The following EPHB2 variants were observed in gnomAD, a reference collection of about 807,000 sequenced individuals.
EPHB2 encodes EPH receptor B2.
In EPHB2, 18 loss-of-function variants were observed where a neutral mutation model predicts 96.4. The observed-to-expected ratio is 0.19, with a 90% CI of 0.13 to 0.28. The LOEUF (loss-of-function observed/expected upper bound fraction) is 0.28, where lower values mean the gene tolerates loss of function less well. Among genes scored for constraint, EPHB2 ranks in the 10% least tolerant of loss-of-function variants. The pLI is 1.00. For synonymous variants in EPHB2, 506 were observed against 534.1 expected (o/e 0.95, Z 0.72); for missense variants, 989 against 1,355.4 (o/e 0.73, Z 4.25).
At chr1:22,807,599 C>T (rs1372701939) in intron 3 of EPHB2, among the ~76,000 whole-genome samples, 1 of 152,180 alleles carries the variant, frequency 6.6e-6, no homozygotes, top group Non-Finnish European at 1.5e-5. Flanking sequence ...CTAGGGAAGT[C>T]ACAGCCACAT....
chr1:22,867,762 C>T (rs932612463), intron 5 of EPHB2, among the ~76,000 whole-genome samples: 1 of 152,162 alleles, frequency 6.6e-6, no homozygotes, highest in Non-Finnish European at 1.5e-5. Flanking sequence ...ATCCCAGCTA[C>T]TCGAGAGGCT....
chr1:22,781,329 A>G (rs1644528551), intron 1 of EPHB2, 92 bp from the exon 2 acceptor site: 5 of 1,296,308 alleles, frequency 3.9e-6, no homozygotes, highest in Non-Finnish European at 5.3e-6. Context: ...AAAAAAAAAA[A>G]AAAAAAAGAA....
intron 3 of EPHB2, among the ~76,000 whole-genome samples, chr1:22,850,240 C>A (rs1645605399): frequency 6.6e-6 from 1 of 152,156 alleles, no homozygotes; most frequent in Admixed American, 6.5e-5. Flanking sequence ...GCAGGGGTGG[C>A]CAGTACCAGA....
chr1:22,809,382 C>T (rs1044284177), intron 3 of EPHB2, among the ~76,000 whole-genome samples: 1 of 152,214 alleles, frequency 6.6e-6, no homozygotes, highest in Non-Finnish European at 1.5e-5. Context: ...AGACAGAAAC[C>T]TTCCTAAGAT....
At chr1:22,749,022 CT>C (rs201142300) in intron 1 of EPHB2, among the ~76,000 whole-genome samples, 20,233 of 143,382 alleles carry the variant, frequency 0.14, 1,527 homozygotes, top group Admixed American at 0.19. Context: ...TACTTTGTGG[CT>C]TTTTTTTTTT....
At chr1:22,759,223 A>G (rs1644200349) in intron 1 of EPHB2, among the ~76,000 whole-genome samples, 1 of 152,068 alleles carries the variant, frequency 6.6e-6, no homozygotes, top group South Asian at 2.1e-4. Context: ...ACTAATCACC[A>G]AGGGCTTTGA....
At chr1:22,837,387 G>A (rs1645401098) in intron 3 of EPHB2, among the ~76,000 whole-genome samples, 1 of 152,108 alleles carries the variant, frequency 6.6e-6, no homozygotes, top group African/African-American at 2.4e-5. Flanking sequence ...TGCGGGGTGG[G>A]GAGGATGTGA....
At position 22,876,701 on chromosome 1, in the gene EPHB2, G is replaced by T. The variant is rs1005520793; in HGVS notation, c.1304-5658G>T. On this transcript the variant is annotated intron_variant, in intron 5 of 15. Transcript: ENST00000374630. ...AATTCCCTGATGACCAACTTACAGG[G>T]AAACCTGACACCCCAGGGTGGGCGG... Among the ~76,000 whole-genome samples, 10 of 152,338 alleles carry T rather than the reference G, an allele frequency of 6.6e-5. No homozygotes were observed. In the South Asian group the frequency reaches 2.1e-3, roughly 32 times the overall value.
At chr1:22,816,410 C>T (rs1347651437) in intron 3 of EPHB2, among the ~76,000 whole-genome samples, 3 of 152,178 alleles carry the variant, frequency 2.0e-5, no homozygotes, top group African/African-American at 7.2e-5. Flanking sequence ...CTGCCTTCTT[C>T]ATACCGCATT....
At chr1:22,879,209 C>CA (rs1557730766) in intron 5 of EPHB2, among the ~76,000 whole-genome samples, 25 of 151,686 alleles carry the variant, frequency 1.6e-4, no homozygotes, top group African/African-American at 6.1e-4. Flanking sequence ...CCCACCTCCA[C>CA]CACACACACA....
intron 1 of EPHB2, among the ~76,000 whole-genome samples, chr1:22,758,820 C>T (rs1240943521): frequency 2.0e-5 from 3 of 151,492 alleles, no homozygotes; most frequent in African/African-American, 7.3e-5. Flanking sequence ...CATTCCCCAG[C>T]ACAGAGCCTG....
rs1425645219 is a variant in EPHB2, at chr1:22,730,058, A to G, written c.61+19015A>G. Among the ~76,000 whole-genome samples, 5 of 152,350 alleles carry G rather than the reference A, an allele frequency of 3.3e-5. No individual in the cohort carries two copies. In the East Asian group the frequency reaches 9.7e-4, roughly 29 times the overall value. On this transcript the variant is annotated intron_variant, in intron 1 of 15. Coordinates refer to ENST00000374630, the MANE Select transcript of EPHB2 (RefSeq NM_017449.5). ...ATTGAAGTCTGCAGGGGCTTGGCACAGGGCCAGGCCCCAGGGTGGGGGTGT... is the reference window on the plus strand; with the variant it reads ...ATTGAAGTCTGCAGGGGCTTGGCACGGGGCCAGGCCCCAGGGTGGGGGTGT...
chr1:22,783,445 G>A (rs562483396), intron 2 of EPHB2, among the ~76,000 whole-genome samples: 9 of 152,316 alleles, frequency 5.9e-5, no homozygotes, highest in Admixed American at 3.9e-4. Flanking sequence ...CACTGACACT[G>A]GCCCAAGAGG....
intron 3 of EPHB2, among the ~76,000 whole-genome samples, chr1:22,813,920 A>T (rs939155829): frequency 6.6e-6 from 1 of 152,182 alleles, no homozygotes; most frequent in Non-Finnish European, 1.5e-5. Context: ...CACGCCTGTA[A>T]TCCCATCGCT....
At chr1:22,813,088 C>G (rs1645025484) in intron 3 of EPHB2, among the ~76,000 whole-genome samples, 1 of 152,164 alleles carries the variant, frequency 6.6e-6, no homozygotes, top group Non-Finnish European at 1.5e-5. Flanking sequence ...GTATCATACT[C>G]TGTTATAATT....
At chr1:22,912,060 G>A (rs1640120276) in intron 14 of EPHB2, among the ~76,000 whole-genome samples, 1 of 152,138 alleles carries the variant, frequency 6.6e-6, no homozygotes, top group African/African-American at 2.4e-5. Context: ...AGAGGAAACT[G>A]TGAATAACCA....
rs766734248 is a variant in EPHB2 at position 22,784,349 on chromosome 1, G to T, written c.127-43G>T. 3.8e-6 allele frequency: 6 copies of T among 1,596,338 alleles called. No individual in the cohort carries two copies. The highest frequency in any genetic ancestry group is 3.3e-5 in the South Asian group (3 of 90,222). On this transcript the variant is annotated intron_variant, in intron 2 of 15. Transcript: ENST00000374630. This position sits in a 1 kb window ranked among gnomAD's most constrained non-coding sequence, Gnocchi z 5.1. ...CACCTTAGACTGAGTGTGTGCTGGG[G>T]CTGAGCCCTTACCTCCCCACCTGAC... is the stretch of plus-strand genomic sequence containing the variant.
intron 3 of EPHB2, among the ~76,000 whole-genome samples, chr1:22,844,012 G>A (rs890972932): frequency 6.6e-6 from 1 of 152,206 alleles, no homozygotes; most frequent in Non-Finnish European, 1.5e-5. Context: ...ATTCCATGGT[G>A]TATATGTACC....
At chr1:22,750,067 A>G (rs1052606340) in intron 1 of EPHB2, among the ~76,000 whole-genome samples, 4 of 152,216 alleles carry the variant, frequency 2.6e-5, no homozygotes, top group African/African-American at 9.6e-5. Flanking sequence ...GAAGGCAGTT[A>G]TATTCTTACT....
Sources: allele counts gnomAD v4.1 joint callset (sites outside exome capture counted in the v4.1 genomes callset), GRCh38; gene constraint gnomAD v4.1.1; non-coding constraint Gnocchi (gnomAD v3.1); transcripts MANE v1.5; gene names NCBI Gene and HGNC (gene_info 2026-07-23, HGNC 2026-07-21).